Variants in ZFP64 observed in about 807,000 individuals in gnomAD.
The protein encoded by ZFP64 is zinc finger protein 64.
A neutral mutation model predicts 51.6 loss-of-function variants in ZFP64; 14 were observed. The ratio of observed to expected loss-of-function variants is 0.27; its 90% CI spans 0.18 to 0.42. ZFP64 has a LOEUF of 0.42. Among genes scored for constraint, ZFP64 ranks in the 10% least tolerant of loss-of-function variants. ZFP64 has a pLI of 1.00. For synonymous variants in ZFP64, 375 were observed against 361.4 expected, an observed-to-expected ratio of 1.04 and a Z score of -0.43; for missense variants, 754 against 906.8, an observed-to-expected ratio of 0.83 and a Z score of 2.16.
At chr20:52,146,026 C>T (rs1314640319) in intron 5 of ZFP64, among the ~76,000 whole-genome samples, 1 of 152,096 alleles carries the variant, frequency 6.6e-6, no homozygotes, top group African/African-American at 2.4e-5. Context: ...TCTTTATATC[C>T]TTATTCTATA....
At position 52,110,805 on chromosome 20, in the gene ZFP64, CT is replaced by C. The variant is rs1978521934; in HGVS notation, c.764-12219del. 7.5e-6 allele frequency: 12 copies of C among 1,595,880 alleles called. No homozygotes were observed. In the Admixed American group the frequency reaches 1.7e-4, roughly 22 times the overall value. ...AGACTGGGTAGCTCTCTTTGAGCAGCTTGTATTTCTCACTCAGCTCCATGTT... is the reference window on the plus strand; with the variant it reads ...AGACTGGGTAGCTCTCTTTGAGCAGCTGTATTTCTCACTCAGCTCCATGTT... On this transcript the variant is annotated intron_variant, in intron 5 of 8. Transcript: ENST00000361387.
At chr20:52,168,057 C>A (rs982059543) in intron 2 of ZFP64, among the ~76,000 whole-genome samples, 1 of 152,048 alleles carries the variant, frequency 6.6e-6, no homozygotes, top group Non-Finnish European at 1.5e-5. Context: ...ATGGGCTTTT[C>A]CTGACTTCTT....
intron 2 of ZFP64, among the ~76,000 whole-genome samples, chr20:52,175,682 T>A (rs1291579099): frequency 3.9e-5 from 6 of 152,018 alleles, no homozygotes; most frequent in Non-Finnish European, 8.8e-5. Flanking sequence ...CTGTCTCTGC[T>A]ACAATACAAA....
At chr20:52,190,699 T>G (rs1425725440) in intron 1 of ZFP64, among the ~76,000 whole-genome samples, 1 of 152,104 alleles carries the variant, frequency 6.6e-6, no homozygotes, top group East Asian at 1.9e-4. Context: ...CTTTTCACAG[T>G]AATGCAAGGA....
rs556372878 is a variant in ZFP64 at position 52,120,192 on chromosome 20, G to T, written c.764-21605C>A. Among the ~76,000 whole-genome samples the T allele has an allele frequency of 1.9e-4, 29 of 152,266 alleles. No individual in the cohort carries two copies. The South Asian group carries it at 6.0e-3, about 32-fold the overall frequency. ...CAGACACCGAATCTGCCAGTGCCTTGATCTTGGACTTTCCAGCCTCTAGAA... is the reference window on the plus strand; with the variant it reads ...CAGACACCGAATCTGCCAGTGCCTTTATCTTGGACTTTCCAGCCTCTAGAA... On this transcript the variant is annotated intron_variant, in intron 5 of 8. Coordinates refer to the ZFP64 transcript ENST00000361387.
downstream of ZFP64, among the ~76,000 whole-genome samples, chr20:52,149,901 C>T (rs183148411): frequency 3.9e-5 from 6 of 151,956 alleles, no homozygotes; most frequent in East Asian, 1.9e-4. Context: ...AACATATATA[C>T]GTAAGCATAA....
At chr20:52,130,766 G>C (rs1979685491) in intron 5 of ZFP64, among the ~76,000 whole-genome samples, 1 of 152,054 alleles carries the variant, frequency 6.6e-6, no homozygotes, top group Non-Finnish European at 1.5e-5. Flanking sequence ...ACACTCTCCA[G>C]GGTGCCAAAT....
chr20:52,104,529 G>A (rs1817990322), intron 5 of ZFP64: 2 of 338,958 alleles, frequency 5.9e-6, no homozygotes, highest in South Asian at 4.3e-5. Context: ...GCCGTCCCCC[G>A]CCCCCCACCG....
At chr20:52,182,053 C>T (rs574586719) in intron 2 of ZFP64, among the ~76,000 whole-genome samples, 3 of 152,162 alleles carry the variant, frequency 2.0e-5, no homozygotes, top group Non-Finnish European at 4.4e-5. Flanking sequence ...TAAAAGCGAT[C>T]GCTCATTGAA....
At position 52,161,042 on chromosome 20, in the gene ZFP64, T is replaced by C. The variant is rs554825180; in HGVS notation, c.512-668A>G. ...AGTGAGCAGCTGAGGGTGGCATACC[T>C]GCAGATGGTGGAGTCATGTAATAGA... On this transcript the variant is annotated intron_variant, in intron 4 of 5. Coordinates refer to ENST00000216923, the MANE Select transcript of ZFP64 (RefSeq NM_018197.3). Among the ~76,000 whole-genome samples, 16 of 152,244 alleles carry C rather than the reference T, an allele frequency of 1.1e-4. No homozygotes were observed. The East Asian group carries it at 3.1e-3, about 29-fold the overall frequency.
At chr20:52,108,797 C>G (rs1978390878) in intron 5 of ZFP64, among the ~76,000 whole-genome samples, 1 of 151,688 alleles carries the variant, frequency 6.6e-6, no homozygotes, top group Non-Finnish European at 1.5e-5. Flanking sequence ...GTGTGAGCCA[C>G]TGCGCCCGGC....
chr20:52,092,883 C>T (rs2078943269), intron 7 of ZFP64, among the ~76,000 whole-genome samples: 1 of 152,048 alleles, frequency 6.6e-6, no homozygotes, highest in Non-Finnish European at 1.5e-5. Flanking sequence ...TGAAACAAAA[C>T]AGATCGATAA....
intron 5 of ZFP64, among the ~76,000 whole-genome samples, chr20:52,108,178 C>T (rs113576635): frequency 0.014 from 2,188 of 152,194 alleles, 39 homozygotes; most frequent in African/African-American, 0.049. Flanking sequence ...GTCATGGTTG[C>T]GCCACTGCAC....
At position 52,139,260 on chromosome 20, in the gene ZFP64, C is replaced by T. The variant is rs569293043; in HGVS notation, c.763+20863G>A. On this transcript the variant is annotated intron_variant, in intron 5 of 8. Transcript: ENST00000361387. ...TAGCAACATGGAATCAACCTAGATG[C>T]CCATCAATGGTGGGCTGGATAAAGG... Among the ~76,000 whole-genome samples, 301 of 152,262 alleles carry T rather than the reference C, an allele frequency of 2.0e-3. 1 individual carries two copies. Among genetic ancestry groups the T allele is most frequent in the African/African-American group, 6.9e-3 (285 of 41,534 alleles).
At chr20:52,105,099 G>GC in intron 5 of ZFP64, 1 of 1,392,466 alleles carries the variant, frequency 7.2e-7, no homozygotes, top group East Asian at 2.8e-5. Context: ...CCGGCCCCCA[G>GC]CCCCCGGGCG....
chr20:52,191,662 C>A lies in ZFP64; in HGVS notation c.-26G>T, dbSNP rs370338598. ...GGCCGCAGACTGGGAGGTCCCCGGC[C>A]GGCCGGGATGCCAAAGTGGGGGACG... On this transcript the variant is annotated 5_prime_UTR_variant, in exon 1 of 6. Coordinates refer to ENST00000216923, the MANE Select transcript of ZFP64 (RefSeq NM_018197.3). The surrounding 1 kb of genome is among the most constrained non-coding windows in gnomAD (Gnocchi z 4.3). The A allele has an allele frequency of 1.4e-5, 22 of 1,574,368 alleles. No individual in the cohort carries two copies. In the African/African-American group the frequency reaches 2.8e-4, roughly 20 times the overall value.
At chr20:52,154,669 GC>G (rs1396179121) in intron 5 of ZFP64, among the ~76,000 whole-genome samples, 1 of 152,064 alleles carries the variant, frequency 6.6e-6, no homozygotes, top group Non-Finnish European at 1.5e-5. Flanking sequence ...TGAAAAAAAT[GC>G]TTTGTATGAC....
chr20:52,159,350 T>C (rs1981584154), intron 5 of ZFP64, among the ~76,000 whole-genome samples: 1 of 152,208 alleles, frequency 6.6e-6, no homozygotes, highest in Non-Finnish European at 1.5e-5. Flanking sequence ...GCTTCAAAAA[T>C]GATTGGAATG....
intron 5 of ZFP64, chr20:52,110,453 G>C (rs1600716553): frequency 1.6e-6 from 1 of 643,752 alleles, no homozygotes. Flanking sequence ...AATCAGCCTG[G>C]AGATCCATGT....
Sources: gnomAD v4.1 joint callset for allele counts (sites outside exome capture counted in the v4.1 genomes callset) on GRCh38, gnomAD v4.1.1 for gene constraint, Gnocchi (gnomAD v3.1) non-coding constraint, MANE v1.5 for transcripts, NCBI Gene and HGNC (gene_info 2026-07-23, HGNC 2026-07-21) for gene names.